Variants in CRISPLD1 observed in about 807,000 individuals in gnomAD.
CRISPLD1 encodes the protein cysteine-rich secretory protein LCCL domain-containing 1.
CRISPLD1 carries 60 observed loss-of-function variants against 77.5 expected under a neutral mutation model. That is an observed-to-expected ratio of 0.77 (90% CI 0.63 to 0.96). CRISPLD1 has a LOEUF of 0.96. Among genes scored for constraint, CRISPLD1 ranks in the 40% least tolerant of loss-of-function variants. The probability of loss-of-function intolerance (pLI) is 0.00; values close to 1 mark genes in which losing one functional copy is unlikely to be tolerated. For missense variants in CRISPLD1, 623 were observed against 615.8 expected, an observed-to-expected ratio of 1.01 and a Z score of -0.12; for synonymous variants, 195 against 200.1, an observed-to-expected ratio of 0.97 and a Z score of 0.22.
At chr8:75,030,853 T>A (rs555473815) in intron 14 of CRISPLD1, among the ~76,000 whole-genome samples, 1 of 149,280 alleles carries the variant, frequency 6.7e-6, no homozygotes, top group Admixed American at 6.7e-5. Flanking sequence ...TATGTGAATG[T>A]ATATATACAC....
intron 2 of CRISPLD1, among the ~76,000 whole-genome samples, chr8:74,994,180 T>C (rs1436550472): frequency 1.3e-5 from 2 of 152,176 alleles, no homozygotes; most frequent in Non-Finnish European, 2.9e-5. Flanking sequence ...GCAATTGCAG[T>C]AATCGTACAA....
Position 75,000,474 on chromosome 8 carries a change from G to A in CRISPLD1, c.259-11959G>A, listed in dbSNP as rs531231813. 94 of 963,430 alleles carry A rather than the reference G, an allele frequency of 9.8e-5. 1 individual carries two copies. The African/African-American group carries it at 1.4e-3, about 15-fold the overall frequency. The allele number at this position is 963,430 out of a possible 1,614,324, so 59.7% of individuals were successfully genotyped here. A position where few individuals can be genotyped will look rare whatever the true frequency, so the allele number is the denominator to read the frequency against. On this transcript the variant is annotated intron_variant, in intron 2 of 14. Coordinates refer to ENST00000262207, the MANE Select transcript of CRISPLD1 (RefSeq NM_031461.6). ...ACATGAACATCTACCATGTTATTCC[G>A]TATGCCTTGAGATTTTTGATGCTGA...
At chr8:74,997,502 A>G (rs1450907891) in intron 2 of CRISPLD1, among the ~76,000 whole-genome samples, 1 of 152,202 alleles carries the variant, frequency 6.6e-6, no homozygotes, top group Non-Finnish European at 1.5e-5. Flanking sequence ...AGTTATGTTT[A>G]GTGGTCAGTT....
At chr8:75,017,291 C>T (rs1466098593) in intron 9 of CRISPLD1, 29 bp from the exon 10 acceptor site, 1 of 1,603,386 alleles carries the variant, frequency 6.2e-7, no homozygotes, top group South Asian at 1.1e-5. Context: ...ATATTTTTAA[C>T]ATCTTTTTAT....
At chr8:75,023,287 T>C (rs764753695) in intron 12 of CRISPLD1, among the ~76,000 whole-genome samples, 11 of 152,170 alleles carry the variant, frequency 7.2e-5, no homozygotes, top group Non-Finnish European at 1.3e-4. Context: ...AGATAAAGTT[T>C]GCAGAGCATG....
At chr8:75,021,804 C>A (rs1367402394) in intron 12 of CRISPLD1, among the ~76,000 whole-genome samples, 124 of 151,976 alleles carry the variant, frequency 8.2e-4, no homozygotes, top group Non-Finnish European at 1.5e-4. Context: ...ATTTTAGCAT[C>A]ATAATATGTG....
At chr8:74,990,500 C>T (rs1357759458) in intron 2 of CRISPLD1, among the ~76,000 whole-genome samples, 1 of 152,084 alleles carries the variant, frequency 6.6e-6, no homozygotes, top group Non-Finnish European at 1.5e-5. Flanking sequence ...ACAGGGACTT[C>T]TCTACTCCTT....
intron 14 of CRISPLD1, among the ~76,000 whole-genome samples, chr8:75,031,567 CTGTGTGTGTGTGTG>C (rs755567610): frequency 3.0e-5 from 2 of 65,672 alleles, no homozygotes; most frequent in Admixed American, 1.2e-4. Context: ...ATTGAATGCT[CTGTGTGTGTGTGTG>C]TGTGTGTGTG....
intron 2 of CRISPLD1, among the ~76,000 whole-genome samples, chr8:74,988,059 A>G (rs1324240653): frequency 6.6e-6 from 1 of 152,196 alleles, no homozygotes; most frequent in Non-Finnish European, 1.5e-5. Flanking sequence ...CTTAGATACT[A>G]TTAGCACTGG....
intron 2 of CRISPLD1, among the ~76,000 whole-genome samples, chr8:74,999,413 G>A (rs1285358371): frequency 1.3e-5 from 2 of 152,128 alleles, no homozygotes; most frequent in Non-Finnish European, 2.9e-5. Context: ...AAGCAAGTAG[G>A]TATGATTTTG....
rs1376542911 is a variant in CRISPLD1, at chr8:75,029,445, A to T, written c.1379A>T (p.Tyr460Phe). Residue 460 changes from tyrosine to phenylalanine, a missense_variant, in exon 14 of 15, where the codon TAT becomes TTT. Physicochemically the swap from Tyr to Phe is conservative, Grantham distance 22 (BLOSUM62 3). Coordinates refer to ENST00000262207, the MANE Select transcript of CRISPLD1 (RefSeq NM_031461.6). ...HAGVVRNHGG[Y>F]VDVMPVDKRK... ...GGAGTGGTTCGAAATCACGGTGGTT[A>T]TGTTGATGTAATGCCTGTGGACAAA... 1 of 1,613,794 alleles carries T rather than the reference A, an allele frequency of 6.2e-7. No homozygotes were observed. The highest frequency in any genetic ancestry group is 1.7e-5 in the Admixed American group (1 of 59,962).
At position 74,986,341 on chromosome 8, in the gene CRISPLD1, T is replaced by C. The variant is rs113866358; in HGVS notation, c.258+96T>C. ...CTGTTCTTTAATCATTTATTTTATA[T>C]GAAGTTGAAAAAAGATTTTCTTTGA... is the stretch of plus-strand genomic sequence containing the variant. On this transcript the variant is annotated intron_variant, in intron 2 of 14. Transcript: ENST00000262207. 2,446 of 1,281,652 alleles carry C rather than the reference T, an allele frequency of 1.9e-3. 28 individuals are homozygous for C. The African/African-American group carries it at 0.03, about 16-fold the overall frequency. 79.4% of individuals were successfully genotyped at this position (1,281,652 alleles called of 1,614,324 possible).
intron 14 of CRISPLD1, 68 bp downstream of exon 14, chr8:75,029,585 A>C (rs1813298209): frequency 5.4e-6 from 8 of 1,486,014 alleles, no homozygotes; most frequent in Admixed American, 1.9e-5. Context: ...ATTGCTTTAC[A>C]GTTGACCCAC....
intron 2 of CRISPLD1, among the ~76,000 whole-genome samples, chr8:75,003,544 CTT>C (rs771048571): frequency 6.6e-6 from 1 of 151,974 alleles, no homozygotes; most frequent in Non-Finnish European, 1.5e-5. Context: ...TTTTTATAGA[CTT>C]TTAGATCAAT....
chr8:75,011,033 A>G (rs1587015715), intron 2 of CRISPLD1, among the ~76,000 whole-genome samples: 1 of 151,960 alleles, frequency 6.6e-6, no homozygotes, highest in East Asian at 1.9e-4. Flanking sequence ...CCAATTTAGT[A>G]GTATCATCGG....
Position 75,014,796 on chromosome 8 carries a change from G to C in CRISPLD1, c.627-16G>C. ...CCATTAGACTACTTTTTAATAGAGC[G>C]TATCATCTCTTAAAGGGGAAACTGG... On this transcript the variant is annotated splice_polypyrimidine_tract_variant and intron_variant, in intron 5 of 14. Coordinates refer to ENST00000262207, the MANE Select transcript of CRISPLD1 (RefSeq NM_031461.6). The C allele has an allele frequency of 6.4e-7, 1 of 1,557,376 alleles. No homozygotes were observed. Among genetic ancestry groups the C allele is most frequent in the Non-Finnish European group, 8.8e-7 (1 of 1,135,182 alleles).
At chr8:75,022,461 T>C (rs1813152614) in intron 12 of CRISPLD1, among the ~76,000 whole-genome samples, 1 of 151,506 alleles carries the variant, frequency 6.6e-6, no homozygotes, top group African/African-American at 2.4e-5. Flanking sequence ...TGGGGGCGGG[T>C]GCCTGTAGTC....
rs573759007 is a variant in CRISPLD1 at position 75,009,327 on chromosome 8, GAAAAAAAAAGA to G, written c.259-3093_259-3083del. The stretch of plus-strand genomic sequence containing the variant: ...AGTCTGTCACGATGTGTCTTAACAG[GAAAAAAAAAGA>G]AAAAAAAAAGAAGCTTTGTTTCCTA... On this transcript the variant is annotated intron_variant, in intron 2 of 14. Coordinates refer to ENST00000262207, the MANE Select transcript of CRISPLD1 (RefSeq NM_031461.6). Among the ~76,000 whole-genome samples the G allele has an allele frequency of 4.5e-3, 665 of 146,254 alleles. 4 individuals carry two copies. Among genetic ancestry groups the G allele is most frequent in the African/African-American group, 0.016 (637 of 39,984 alleles).
chr8:74,985,994 T>C lies in CRISPLD1; in HGVS notation c.7T>C (p.Cys3Arg). 1 of 1,613,014 alleles carries C rather than the reference T, an allele frequency of 6.2e-7. No individual in the cohort carries two copies. The highest frequency in any genetic ancestry group is 8.5e-7 in the Non-Finnish European group (1 of 1,179,130). Reference protein sequence around the residue: MKCTAREWLRVTT... With the variant: MKRTAREWLRVTT... ...AATCCTGAGGTCATTCATTATGAAG[T>C]GTACCGCGCGGGAGTGGCTCAGAGT... Residue 3 changes from cysteine to arginine, a missense_variant, in exon 2 of 15, where the codon TGT (cysteine) becomes CGT (arginine). Physicochemically the swap from Cys to Arg is radical, Grantham distance 180. Transcript: ENST00000262207.
Sources: gnomAD v4.1 joint callset for allele counts (sites outside exome capture counted in the v4.1 genomes callset) on GRCh38, gnomAD v4.1.1 for gene constraint, MANE v1.5 for transcripts, NCBI Gene and HGNC (gene_info 2026-07-23, HGNC 2026-07-21) for gene names.